ABCA6: variants seen among roughly 807,000 people sequenced by gnomAD.
ABCA6 encodes the protein ATP-binding cassette sub-family A member 6.
A neutral mutation model predicts 191.2 loss-of-function variants in ABCA6; 164 were observed. The observed-to-expected ratio is 0.86, with a 90% CI of 0.76 to 0.98. The LOEUF (loss-of-function observed/expected upper bound fraction) is 0.98. ABCA6 is among the 50% of genes least tolerant of loss of function. The probability of loss-of-function intolerance (pLI) is 0.00; values close to 1 mark genes in which losing one functional copy is unlikely to be tolerated. For missense variants in ABCA6, 1,958 were observed against 1,894.1 expected (o/e 1.03, Z -0.63); for synonymous variants, 636 against 647.7 (o/e 0.98, Z 0.27).
intron 8 of ABCA6, among the ~76,000 whole-genome samples, chr17:69,127,230 G>A (rs534079797): frequency 5.3e-5 from 8 of 152,236 alleles, no homozygotes; most frequent in African/African-American, 1.9e-4. Flanking sequence ...TAAACTTGGT[G>A]TAGGCAATGA....
intron 6 of ABCA6, among the ~76,000 whole-genome samples, chr17:69,133,363 A>G (rs1187520630): frequency 6.6e-6 from 1 of 152,192 alleles, no homozygotes; most frequent in Non-Finnish European, 1.5e-5. Context: ...CAATTCTCTT[A>G]TTCTCTTTGA....
At chr17:69,128,835 T>TA (rs1262340469) in intron 7 of ABCA6, 31 bp from the exon 8 acceptor site, 13 of 1,514,776 alleles carry the variant, frequency 8.6e-6, no homozygotes, top group African/African-American at 5.6e-5. Context: ...TCAGCTGTTA[T>TA]AAAAAATATT....
At position 69,085,066 on chromosome 17, in the gene ABCA6, C is replaced by T; in HGVS notation, c.4146G>A (p.Lys1382=). The change falls in exon 32 of 39, where the codon AAG becomes AAA. Residue 1382 remains lysine (K), a synonymous_variant. Coordinates refer to ENST00000284425, the MANE Select transcript of ABCA6 (RefSeq NM_080284.3). ...REHLEVYAAV[K]GLRKADARLA... ...GCCTCGCGTCCGCTTTCCTGAGCCC[C>T]TTGACGGCAGCATACACCTCCAGGT... The T allele has an allele frequency of 6.2e-7, 1 of 1,613,484 alleles. No homozygotes were observed.
At chr17:69,113,433 C>A (rs2073471468) in intron 14 of ABCA6, 73 bp from the exon 15 acceptor site, 2 of 1,522,906 alleles carry the variant, frequency 1.3e-6, no homozygotes, top group African/African-American at 2.8e-5. Flanking sequence ...GCATGAAAAA[C>A]AATAAATACC....
intron 8 of ABCA6, among the ~76,000 whole-genome samples, chr17:69,128,264 T>C (rs2073789805): frequency 6.6e-6 from 1 of 152,074 alleles, no homozygotes; most frequent in East Asian, 1.9e-4. Flanking sequence ...ATATTCATAG[T>C]TTATACAATA....
At chr17:69,123,506 C>T (rs1281336064) in intron 9 of ABCA6, 99 bp from the exon 10 acceptor site, 2 of 783,418 alleles carry the variant, frequency 2.6e-6, no homozygotes, top group Non-Finnish European at 3.5e-6. Context: ...AAGTTTTAAG[C>T]ATCATAGAGA....
intron 6 of ABCA6, among the ~76,000 whole-genome samples, chr17:69,131,738 T>C (rs550995453): frequency 1.3e-5 from 2 of 152,324 alleles, no homozygotes; most frequent in African/African-American, 2.4e-5. Context: ...TAAGGACGTA[T>C]ATATGAATTT....
At chr17:69,141,567 C>G (rs2074023863) in intron 1 of ABCA6, among the ~76,000 whole-genome samples, 178 bp downstream of exon 1, 1 of 151,476 alleles carries the variant, frequency 6.6e-6, no homozygotes, top group African/African-American at 2.4e-5. Flanking sequence ...TTCCATTTTT[C>G]TATGTCTTAC....
intron 36 of ABCA6, among the ~76,000 whole-genome samples, 164 bp from the exon 37 acceptor site, chr17:69,081,309 T>C (rs2072628940): frequency 1.3e-5 from 2 of 152,264 alleles, no homozygotes; most frequent in African/African-American, 4.8e-5. Flanking sequence ...AATTGCTTTT[T>C]GGTATCTGGC....
chr17:69,137,113 G>A (rs564796399), intron 3 of ABCA6, among the ~76,000 whole-genome samples, 183 bp downstream of exon 3: 92 of 152,228 alleles, frequency 6.0e-4, no homozygotes, highest in African/African-American at 2.1e-3. Flanking sequence ...CCAACAAGCT[G>A]AAAATATTTC....
At chr17:69,087,077 T>C (rs1015634800) in intron 29 of ABCA6, among the ~76,000 whole-genome samples, 2 of 152,214 alleles carry the variant, frequency 1.3e-5, no homozygotes, top group African/African-American at 4.8e-5. Flanking sequence ...TCATGAGGTC[T>C]TGTTGGTTTT....
At chr17:69,089,395 A>G in intron 27 of ABCA6, 70 bp downstream of exon 27, 2 of 1,419,980 alleles carry the variant, frequency 1.4e-6, no homozygotes, top group Admixed American at 3.6e-5. Context: ...CACTTTGGAC[A>G]AGATCAAATT....
chr17:69,138,139 G>A (rs2073978509), intron 2 of ABCA6, among the ~76,000 whole-genome samples: 1 of 152,078 alleles, frequency 6.6e-6, no homozygotes, highest in South Asian at 2.1e-4. Context: ...ACTATTTCCT[G>A]ATCTTTTGAC....
intron 32 of ABCA6, 137 bp from the exon 33 acceptor site, chr17:69,084,644 A>T: frequency 2.6e-6 from 2 of 782,128 alleles, no homozygotes; most frequent in Non-Finnish European, 2.0e-6. Context: ...TAAAAAAGAG[A>T]TTGGTTTATT....
At chr17:69,121,281 A>G (rs1273777741) in intron 10 of ABCA6, among the ~76,000 whole-genome samples, 2 of 152,098 alleles carry the variant, frequency 1.3e-5, no homozygotes, top group African/African-American at 4.8e-5. Flanking sequence ...ATACTGTTGG[A>G]TGGTCAAAAG....
Position 69,086,707 on chromosome 17 carries a change from T to C in ABCA6, c.3848A>G (p.His1283Arg). ...EKPVIIASCL[H>R]KEYAGQKKSC... ...TTTCTTCTGGCCTGCATATTCTTTG[T>C]GTAGACAGCTGGCAATTATAACAGG... Residue 1283 changes from histidine (H) to arginine (R), a missense_variant, in exon 30 of 39, where the codon CAC (histidine) becomes CGC (arginine). Transcript: ENST00000284425. 6.2e-7 allele frequency: 1 copy of C among 1,612,214 alleles called. No individual in the cohort carries two copies. The highest frequency in any genetic ancestry group is 8.5e-7 in the Non-Finnish European group (1 of 1,179,078).
At chr17:69,129,354 A>G (rs1173036489) in intron 7 of ABCA6, among the ~76,000 whole-genome samples, 3 of 152,202 alleles carry the variant, frequency 2.0e-5, no homozygotes, top group Non-Finnish European at 1.5e-5. Context: ...GATATTTTAG[A>G]GTCAGCATTG....
intron 18 of ABCA6, among the ~76,000 whole-genome samples, chr17:69,107,072 T>C (rs150021616): frequency 5.9e-5 from 9 of 152,326 alleles, no homozygotes; most frequent in Admixed American, 1.3e-4. Flanking sequence ...AGCTCTGAAC[T>C]ACCAGATCTG....
chr17:69,134,826 T>C, intron 4 of ABCA6, 84 bp from the exon 5 acceptor site: 3 of 927,780 alleles, frequency 3.2e-6, no homozygotes, highest in Non-Finnish European at 5.1e-6. Flanking sequence ...AAGAAAACAA[T>C]CTAGAGGAGA....
Sources: gnomAD v4.1 joint callset for allele counts (sites outside exome capture counted in the v4.1 genomes callset) on GRCh38, gnomAD v4.1.1 for gene constraint, MANE v1.5 for transcripts, NCBI Gene and HGNC (gene_info 2026-07-23, HGNC 2026-07-21) for gene names.